HEATR5A: variants seen among roughly 807,000 people sequenced by gnomAD.
HEATR5A encodes HEAT repeat-containing protein 5A.
Under a neutral mutation model 218.8 loss-of-function variants are expected in HEATR5A, and 178 were observed. The ratio of observed to expected loss-of-function variants is 0.81; its 90% CI spans 0.72 to 0.92. HEATR5A has a LOEUF of 0.92. HEATR5A is among the 40% of genes least tolerant of loss of function. HEATR5A has a pLI of 0.00. For synonymous variants in HEATR5A, 864 were observed against 871.6 expected (o/e 0.99, Z 0.15); for missense variants, 2,420 against 2,418.9 (o/e 1.00, Z -0.01).
At chr14:31,389,968 TG>T (rs1487203339) in intron 6 of HEATR5A, among the ~76,000 whole-genome samples, 1 of 152,044 alleles carries the variant, frequency 6.6e-6, no homozygotes, top group East Asian at 1.9e-4. Context: ...GTCAGGAATA[TG>T]GGGGTGGAGT....
chr14:31,414,016 G>C (rs570798277), intron 1 of HEATR5A, among the ~76,000 whole-genome samples: 9 of 152,284 alleles, frequency 5.9e-5, no homozygotes, highest in Non-Finnish European at 8.8e-5. Context: ...AGCTTTCAGA[G>C]AGCCCTTTCC....
rs2030610603 is a variant in HEATR5A, at chr14:31,395,271, G to C, written c.525C>G (p.His175Gln). The change falls in exon 5 of 36, where the codon CAC becomes CAG. Residue 175 changes from histidine to glutamine, a missense_variant. His to Gln is a conservative substitution (Grantham distance 24, BLOSUM62 0). Transcript: ENST00000543095. The stretch of plus-strand genomic sequence containing the variant: ...ATCTAGCAGCTTTATAAACATCCCT[G>C]TGACAAGGTGCAGCGGCAGCTCCTA... ...NGLGAAAAPC[H>Q]RDVYKAARSC... is the part of the protein sequence containing the mutation. 6.5e-7 allele frequency: 1 copy of C among 1,530,756 alleles called. No individual in the cohort carries two copies. The highest frequency in any genetic ancestry group is 1.7e-4 in the Middle Eastern group (1 of 5,978). The allele number at this position is 1,530,756 out of a possible 1,614,324, so 94.8% of individuals were successfully genotyped here.
At chr14:31,397,542 C>T (rs1274248324) in intron 4 of HEATR5A, among the ~76,000 whole-genome samples, 32 of 151,880 alleles carry the variant, frequency 2.1e-4, no homozygotes, top group Admixed American at 2.1e-3. Context: ...GCCTGTAATC[C>T]CAGCTACTTG....
At chr14:31,301,156 G>A (rs1899357173) in intron 33 of HEATR5A, among the ~76,000 whole-genome samples, 1 of 152,102 alleles carries the variant, frequency 6.6e-6, no homozygotes, top group African/African-American at 2.4e-5. Context: ...GGAAGGCAGG[G>A]AAAATGCATA....
intron 21 of HEATR5A, 109 bp from the exon 22 acceptor site, chr14:31,337,723 G>T: frequency 1.2e-6 from 1 of 834,282 alleles, no homozygotes; most frequent in Non-Finnish European, 1.8e-6. Flanking sequence ...CCCATCAGTG[G>T]GCTGGACACA....
At chr14:31,295,401 C>G (rs74538805) in intron 34 of HEATR5A, 1 of 152,466 alleles carries the variant, frequency 6.6e-6, no homozygotes, top group African/African-American at 2.4e-5. Flanking sequence ...CCTGCTCCCC[C>G]ACACCAGGTT....
chr14:31,293,404 C>G lies in HEATR5A; in HGVS notation c.6042G>C (p.Lys2014Asn). The G allele has an allele frequency of 6.2e-7, 1 of 1,613,874 alleles. No individual in the cohort carries two copies. The highest frequency in any genetic ancestry group is 2.2e-5 in the East Asian group (1 of 44,876). The change falls in exon 36 of 36, where the codon AAG (lysine) becomes AAC (asparagine). Residue 2014 changes from lysine (K) to asparagine (N), a missense_variant. By Grantham distance (94) the Lys-to-Asn change is moderately conservative. Coordinates refer to ENST00000543095, the MANE Select transcript of HEATR5A (RefSeq NM_015473.4). ...TGACTTTGACACTTTCCTGATTGCCCTTTATAGCAGCCTCAAGGCGGGCTT... is the reference window on the plus strand; with the variant it reads ...TGACTTTGACACTTTCCTGATTGCCGTTTATAGCAGCCTCAAGGCGGGCTT... Reference protein sequence around the residue: ...ALKARLEAAIKGNQESVKVKI... With the variant: ...ALKARLEAAINGNQESVKVKI...
chr14:31,369,246 C>G (rs1333539338), intron 13 of HEATR5A, among the ~76,000 whole-genome samples: 2 of 151,918 alleles, frequency 1.3e-5, no homozygotes, highest in Non-Finnish European at 2.9e-5. Context: ...AGCCTGGGAG[C>G]CTGGGGCTGC....
At chr14:31,300,720 T>C (rs1294685014) in intron 33 of HEATR5A, among the ~76,000 whole-genome samples, 5 of 152,204 alleles carry the variant, frequency 3.3e-5, no homozygotes, top group African/African-American at 4.8e-5. Flanking sequence ...CTGAGATTTG[T>C]TGGGAAACTG....
At chr14:31,333,772 C>G (rs1432050981) in intron 22 of HEATR5A, among the ~76,000 whole-genome samples, 1 of 151,902 alleles carries the variant, frequency 6.6e-6, no homozygotes, top group African/African-American at 2.4e-5. Flanking sequence ...TGGCTCACAC[C>G]TGTAATCCCA....
chr14:31,411,904 A>G (rs2031287012), intron 1 of HEATR5A, among the ~76,000 whole-genome samples: 1 of 152,040 alleles, frequency 6.6e-6, no homozygotes, highest in South Asian at 2.1e-4. Context: ...TGCCCAGGCT[A>G]GAGTGCAGTG....
At chr14:31,343,389 T>C (rs1900907172) in intron 21 of HEATR5A, among the ~76,000 whole-genome samples, 1 of 152,178 alleles carries the variant, frequency 6.6e-6, no homozygotes, top group Admixed American at 6.5e-5. Context: ...TTAAAACCAA[T>C]GACAATGAAC....
intron 22 of HEATR5A, among the ~76,000 whole-genome samples, chr14:31,335,973 CT>C (rs57556527): frequency 0.97 from 133,833 of 138,170 alleles, 64,886 homozygotes; most frequent in East Asian, 1. Flanking sequence ...AGATAATTAC[CT>C]TTTTTTTTTT....
Position 31,349,977 on chromosome 14 carries a change from G to A in HEATR5A, c.2520C>T (p.Tyr840=), listed in dbSNP as rs201494687. The A allele has an allele frequency of 3.7e-5, 58 of 1,559,190 alleles. No homozygotes were observed. The Middle Eastern group carries it at 6.8e-4, about 18-fold the overall frequency. ...VVSSVSSFLK[Y]VAGSKGCLGP... ...CTAAACATCCCTTGGAGCCAGCCAC[G>A]TACTGAAATATGTAAAGAACAACCC... Residue 840 remains tyrosine, a splice_region_variant and synonymous_variant, in exon 18 of 36, where the codon TAC becomes TAT. Transcript: ENST00000543095.
chr14:31,309,095 A>C lies in HEATR5A; in HGVS notation c.4529T>G (p.Leu1510Trp). The C allele has an allele frequency of 1.9e-6, 3 of 1,614,002 alleles. No individual in the cohort carries two copies. The highest frequency in any genetic ancestry group is 2.5e-6 in the Non-Finnish European group (3 of 1,179,886). ...SWALILHATA[L>W]WLTSTGFVVA... ...AACAAAACCCGTGCTTGTAAGCCACAATGCTGTAGCATGGAGGATAAGTGC... is the reference window on the plus strand; with the variant it reads ...AACAAAACCCGTGCTTGTAAGCCACCATGCTGTAGCATGGAGGATAAGTGC... The change falls in exon 29 of 36, where the codon TTG becomes TGG. Residue 1510 changes from leucine to tryptophan, a missense_variant. Coordinates refer to ENST00000543095, the MANE Select transcript of HEATR5A (RefSeq NM_015473.4).
chr14:31,317,856 ATATCCATCAAT>A (rs1181133123), intron 26 of HEATR5A, among the ~76,000 whole-genome samples: 2 of 152,190 alleles, frequency 1.3e-5, no homozygotes, highest in Admixed American at 1.3e-4. Context: ...AACACCTCTA[ATATCCATCAAT>A]TATCCATCAA....
intron 14 of HEATR5A, among the ~76,000 whole-genome samples, chr14:31,363,104 T>C (rs1397545162): frequency 2.0e-5 from 3 of 151,824 alleles, no homozygotes; most frequent in Non-Finnish European, 2.9e-5. Context: ...CCAGGCATGG[T>C]AGCGCATGCC....
In HEATR5A at chr14:31,292,021, T is replaced by C. The variant is rs916868332; in HGVS notation, c.*1284A>G. ...GCTCTGTTTTGACACAGTGCTTGAT[T>C]CACACAGTATAACACTGAAGTAGAA... is the stretch of plus-strand genomic sequence containing the variant. On this transcript the variant is annotated 3_prime_UTR_variant, in exon 36 of 36. Transcript: ENST00000543095. 1.2e-4 allele frequency: 18 copies of C among 152,238 alleles called. No homozygotes were observed. Among genetic ancestry groups the C allele is most frequent in the Non-Finnish European group, 2.6e-4 (18 of 68,038 alleles). The allele number at this position is 152,238 out of a possible 1,614,324, so 9.4% of individuals were successfully genotyped here.
At position 31,407,580 on chromosome 14, in the gene HEATR5A, TTATTTATATATATATATA is replaced by T. The variant is rs1383673308; in HGVS notation, c.-74-4549_-74-4532del. On this transcript the variant is annotated intron_variant, in intron 1 of 35. Coordinates refer to ENST00000543095, the MANE Select transcript of HEATR5A (RefSeq NM_015473.4). ...CATGTACCTGTTATCATCACTTATTTTATTTATATATATATATATATATATATATATATATATATATAT... is the reference window on the plus strand; with the variant it reads ...CATGTACCTGTTATCATCACTTATTTTATATATATATATATATATATATAT... 4.0e-4 allele frequency among the ~76,000 whole-genome samples: 59 copies of T among 149,288 alleles called. 1 individual carries two copies. The highest frequency in any genetic ancestry group is 1.2e-3 in the African/African-American group (47 of 39,816).
Sources: gnomAD v4.1 joint callset for allele counts (sites outside exome capture counted in the v4.1 genomes callset) on GRCh38, gnomAD v4.1.1 for gene constraint, MANE v1.5 for transcripts, NCBI Gene and HGNC (gene_info 2026-07-23, HGNC 2026-07-21) for gene names.